Variants in CLASP1 observed in about 807,000 individuals in gnomAD.
CLASP1 encodes CLIP-associating protein 1.
Under a neutral mutation model 192.3 loss-of-function variants are expected in CLASP1, and 38 were observed. The ratio of observed to expected loss-of-function variants is 0.20; its 90% CI spans 0.15 to 0.26. CLASP1 has a LOEUF of 0.26. Among genes scored for constraint, CLASP1 ranks in the 10% least tolerant of loss-of-function variants. The pLI is 1.00. For missense variants in CLASP1, 1,433 were observed against 1,932.5 expected (o/e 0.74, Z 4.85); for synonymous variants, 691 against 712.8 (o/e 0.97, Z 0.49).
intron 2 of CLASP1, among the ~76,000 whole-genome samples, chr2:121,563,863 AAAAG>A (rs2059296758): frequency 6.6e-6 from 1 of 152,218 alleles, no homozygotes; most frequent in Non-Finnish European, 1.5e-5. Flanking sequence ...GGCAATTTAC[AAAAG>A]AAAGAGGTTT....
intron 1 of CLASP1, among the ~76,000 whole-genome samples, chr2:121,610,785 A>AG (rs2065251298): frequency 1.5e-5 from 1 of 65,122 alleles, no homozygotes; most frequent in African/African-American, 6.6e-5. Context: ...AGGAGGAGGA[A>AG]GAGTTACAGG....
chr2:121,531,019 TTTTCATAGACTTATCAG>T (rs1275442114), intron 2 of CLASP1: 1 of 700,100 alleles, frequency 1.4e-6, no homozygotes, highest in Non-Finnish European at 2.6e-6. Flanking sequence ...TGAAAACCTG[TTTTCATAGACTTATCAG>T]TTCAAACAGC....
intron 8 of CLASP1, among the ~76,000 whole-genome samples, chr2:121,486,265 C>T (rs1044581218): frequency 2.0e-5 from 3 of 152,176 alleles, no homozygotes; most frequent in African/African-American, 7.2e-5. Flanking sequence ...CTTAAGTGGG[C>T]ATATTCTGAC....
intron 1 of CLASP1, among the ~76,000 whole-genome samples, chr2:121,621,145 C>G (rs1246445845): frequency 1.3e-5 from 2 of 151,992 alleles, no homozygotes; most frequent in African/African-American, 4.8e-5. Context: ...TTGAGCCCAG[C>G]AGGAAGTCAA....
chr2:121,529,150 G>A lies in CLASP1; in HGVS notation c.275-370C>T, dbSNP rs576974304. Among the ~76,000 whole-genome samples, 6 of 152,320 alleles carry A rather than the reference G, an allele frequency of 3.9e-5. No homozygotes were observed. The South Asian group carries it at 1.0e-3, about 26-fold the overall frequency. On this transcript the variant is annotated intron_variant, in intron 3 of 39. Coordinates refer to ENST00000263710, the Ensembl canonical transcript of CLASP1. Reference sequence around the variant, plus strand: ...GGGGCTCCAGTATATGTGTTTGGGGGTGGAAGGAGTGGGCACTTATGAATA... The same window carrying A: ...GGGGCTCCAGTATATGTGTTTGGGGATGGAAGGAGTGGGCACTTATGAATA...
intron 2 of CLASP1, among the ~76,000 whole-genome samples, chr2:121,552,426 A>G (rs566902608): frequency 6.6e-6 from 1 of 152,348 alleles, no homozygotes; most frequent in South Asian, 2.1e-4. Flanking sequence ...GGGAGAAAAT[A>G]TTTGCAAACC....
intron 1 of CLASP1, among the ~76,000 whole-genome samples, chr2:121,609,848 G>A (rs1248240993): frequency 6.6e-6 from 1 of 152,184 alleles, no homozygotes; most frequent in African/African-American, 2.4e-5. Context: ...GGCTGAGGCA[G>A]GAGAATCGCT....
At chr2:121,533,116 A>T (rs2094941101) in intron 2 of CLASP1, among the ~76,000 whole-genome samples, 1 of 152,154 alleles carries the variant, frequency 6.6e-6, no homozygotes, top group Non-Finnish European at 1.5e-5. Context: ...TGAGCAGAGA[A>T]GGCCTCGCTA....
At chr2:121,644,197 C>T (rs1481581506) in intron 1 of CLASP1, among the ~76,000 whole-genome samples, 1 of 152,076 alleles carries the variant, frequency 6.6e-6, no homozygotes, top group Non-Finnish European at 1.5e-5. Context: ...ATTTAACTGG[C>T]CTAAAATCAC....
chr2:121,363,154 G>A lies in CLASP1; in HGVS notation c.4206+18C>T. 2 of 1,613,772 alleles carry A rather than the reference G, an allele frequency of 1.2e-6. No homozygotes were observed. The highest frequency in any genetic ancestry group is 1.7e-6 in the Non-Finnish European group (2 of 1,179,798). ...ATGACCCGTCTGTTCAGCACCCCTGGCCACATGACTGACTCACCTCCTTAT... is the reference window on the plus strand; with the variant it reads ...ATGACCCGTCTGTTCAGCACCCCTGACCACATGACTGACTCACCTCCTTAT... On this transcript the variant is annotated intron_variant, in intron 37 of 39. Transcript: ENST00000263710.
At chr2:121,531,065 T>A (rs72969391) in intron 2 of CLASP1, 2 of 692,678 alleles carry the variant, frequency 2.9e-6, no homozygotes, top group Non-Finnish European at 2.6e-6. Flanking sequence ...GTAAATAAAC[T>A]AGTACTTTGT....
At chr2:121,519,025 A>G (rs1475252611) in intron 6 of CLASP1, among the ~76,000 whole-genome samples, 2 of 152,264 alleles carry the variant, frequency 1.3e-5, no homozygotes, top group African/African-American at 2.4e-5. Context: ...TCTTTAAAGA[A>G]CAATCAATAC....
chr2:121,511,588 C>CAAAAAA (rs1358232629), intron 7 of CLASP1, among the ~76,000 whole-genome samples: 1 of 95,922 alleles, frequency 1.0e-5, no homozygotes, highest in Non-Finnish European at 2.2e-5. Context: ...AACTCCATCT[C>CAAAAAA]AAAAAAAAAA....
intron 35 of CLASP1, 55 bp from the exon 37 acceptor site, chr2:121,365,339 G>C: frequency 6.6e-7 from 1 of 1,510,860 alleles, no homozygotes; most frequent in East Asian, 2.4e-5. Flanking sequence ...CAGCACAGGG[G>C]CTTGCTCAGT....
intron 6 of CLASP1, among the ~76,000 whole-genome samples, chr2:121,517,857 G>GTT (rs1559495604): frequency 3.3e-5 from 2 of 60,630 alleles, no homozygotes; most frequent in African/African-American, 2.4e-4. Context: ...CAAGACTCAA[G>GTT]CTTTTTTTTT....
intron 8 of CLASP1, among the ~76,000 whole-genome samples, chr2:121,488,659 G>A (rs1178945359): frequency 6.6e-6 from 1 of 152,222 alleles, no homozygotes; most frequent in African/African-American, 2.4e-5. Flanking sequence ...TGGGGCTGCT[G>A]TGAACTTCAT....
intron 19 of CLASP1, among the ~76,000 whole-genome samples, chr2:121,443,280 A>G (rs918987692): frequency 1.4e-4 from 15 of 109,170 alleles, no homozygotes; most frequent in East Asian, 8.1e-4. Flanking sequence ...GAACTGGTGG[A>G]AAAAAAAAAA....
chr2:121,385,492 C>G (rs1482763179), intron 32 of CLASP1, among the ~76,000 whole-genome samples: 1 of 152,106 alleles, frequency 6.6e-6, no homozygotes, highest in African/African-American at 2.4e-5. Context: ...GAATAATGAC[C>G]TTGAAAAACA....
intron 37 of CLASP1, among the ~76,000 whole-genome samples, chr2:121,350,256 A>C (rs1047781840): frequency 6.6e-6 from 1 of 152,256 alleles, no homozygotes; most frequent in African/African-American, 2.4e-5. Context: ...AGCTTCAGTC[A>C]TCCCAGCCCT....
Sources: gnomAD v4.1 joint callset for allele counts (sites outside exome capture counted in the v4.1 genomes callset) on GRCh38, gnomAD v4.1.1 for gene constraint, MANE v1.5 for transcripts, NCBI Gene and HGNC (gene_info 2026-07-23, HGNC 2026-07-21) for gene names.